Variants in EPN3 observed in about 807,000 individuals in gnomAD.
EPN3 encodes the protein epsin 3.
EPN3 carries 56 observed loss-of-function variants against 55.5 expected under a neutral mutation model. The observed-to-expected ratio is 1.01, with a 90% CI of 0.81 to 1.26. The LOEUF (loss-of-function observed/expected upper bound fraction) is 1.26. Among genes scored for constraint, EPN3 ranks in the 50% most tolerant of loss-of-function variants. The pLI is 0.00. For missense variants in EPN3, 927 were observed against 853.4 expected (o/e 1.09, Z -1.07); for synonymous variants, 449 against 375.2 (o/e 1.20, Z -2.27).
Position 50,532,906 on chromosome 17 carries a change from G to A in EPN3, c.-216G>A, listed in dbSNP as rs770397617. 1.5e-4 allele frequency: 199 copies of A among 1,285,204 alleles called. 2 individuals are homozygous for A. The South Asian group carries it at 2.3e-3, about 15-fold the overall frequency. The allele number at this position is 1,285,204 out of a possible 1,614,324, so 79.6% of individuals were successfully genotyped here. On this transcript the variant is annotated 5_prime_UTR_variant, in exon 1 of 10. Transcript: ENST00000268933. ...CTGGAGACGCTCCCGAGGCTGTGCC[G>A]TCCCGCTGCTGCACAGGTCGGAGGG...
In EPN3 at chr17:50,542,143, A is replaced by G; in HGVS notation, c.1885A>G (p.Asn629Asp). Residue 629 changes from asparagine (N) to aspartate (D), a missense_variant, in exon 10 of 10, where the codon AAC becomes GAC. Transcript: ENST00000268933. The stretch of plus-strand genomic sequence containing the variant: ...GCCCCCGCCCCCGCAGACCGGCACC[A>G]ACCCCTTCCTCTGAGCCCCGCCCCG... ...PRPPPPQTGT[N>D]PFL 6.6e-7 allele frequency: 1 copy of G among 1,507,398 alleles called. No homozygotes were observed. The highest frequency in any genetic ancestry group is 1.2e-5 in the South Asian group (1 of 80,962). 93.4% of individuals were successfully genotyped at this position (1,507,398 alleles called of 1,614,324 possible). A position where few individuals can be genotyped will look rare whatever the true frequency, so the allele number is the denominator to read the frequency against.
At position 50,536,412 on chromosome 17, in the gene EPN3, C is replaced by A; in HGVS notation, c.-136-9C>A. On this transcript the variant is annotated splice_polypyrimidine_tract_variant and intron_variant, in intron 1 of 9. Transcript: ENST00000268933. ...TCTGCCCCTGAGTTCCTGGCCCTCT[C>A]TTCCTCAGCCCCATGTGGAACCCAA... 6.7e-7 allele frequency: 1 copy of A among 1,484,450 alleles called. No homozygotes were observed. Among genetic ancestry groups the A allele is most frequent in the South Asian group, 1.4e-5 (1 of 73,396 alleles). The allele number at this position is 1,484,450 out of a possible 1,614,324, so 92.0% of individuals were successfully genotyped here.
Position 50,538,198 on chromosome 17 carries a change from G to A in EPN3, c.681+1G>A. 2 of 1,608,262 alleles carry A rather than the reference G, an allele frequency of 1.2e-6. No homozygotes were observed. Among genetic ancestry groups the A allele is most frequent in the Non-Finnish European group, 1.7e-6 (2 of 1,179,046 alleles). On this transcript the variant is annotated splice_donor_variant, in intron 3 of 9. Transcript: ENST00000268933. LOFTEE classifies it high-confidence loss of function. ...CATGAGCCGTGAGGAGGCAGAGAAG[G>A]TGAGGCCATGCAGCCCCACTGCGGT...
Position 50,539,186 on chromosome 17 carries a change from G to A in EPN3, c.763-1G>A, listed in dbSNP as rs954823527. On this transcript the variant is annotated splice_acceptor_variant, in intron 4 of 9. Transcript: ENST00000268933. LOFTEE classifies it high-confidence loss of function. The stretch of plus-strand genomic sequence containing the variant: ...CCTAACTCTTTCTGTGCCTTCTGCA[G>A]GAGGTGAGGTCCTGGCAGGGTGATG... 5 of 1,613,922 alleles carry A rather than the reference G, an allele frequency of 3.1e-6. No individual in the cohort carries two copies. In the East Asian group the frequency reaches 1.1e-4, roughly 36 times the overall value.
At position 50,538,086 on chromosome 17, in the gene EPN3, T is replaced by G; in HGVS notation, c.570T>G (p.Ser190=). ...ACATGATGGTCATTGCAGCCTCCTC[T>G]TCGTCACCCCGCTATACCTCCGACC... ...RGSPSSYNSS[S]SSPRYTSDLE... is the part of the protein sequence containing the mutation. The change falls in exon 3 of 10, where the codon TCT becomes TCG. Residue 190 remains serine (S), a synonymous_variant. Coordinates refer to ENST00000268933, the MANE Select transcript of EPN3 (RefSeq NM_017957.3). The G allele has an allele frequency of 6.2e-7, 1 of 1,613,824 alleles. No individual in the cohort carries two copies. The highest frequency in any genetic ancestry group is 8.5e-7 in the Non-Finnish European group (1 of 1,179,826).
Position 50,540,277 on chromosome 17 carries a change from G to C in EPN3, c.922G>C (p.Val308Leu), listed in dbSNP as rs145125112. ...SSILDLADIFVPALAPPSTHC... is the reference protein window; with the variant it reads ...SSILDLADIFLPALAPPSTHC... The stretch of plus-strand genomic sequence containing the variant: ...CATCCTGGACTTGGCTGACATCTTC[G>C]TACCTGCCCTGGCCCCGCCCTCCAC... The change falls in exon 6 of 10, where the codon GTA (valine) becomes CTA (leucine). Residue 308 changes from valine (V) to leucine (L), a missense_variant. Val to Leu is a conservative substitution (Grantham distance 32, BLOSUM62 1). Coordinates refer to ENST00000268933, the MANE Select transcript of EPN3 (RefSeq NM_017957.3). The C allele has an allele frequency of 5.6e-6, 9 of 1,612,504 alleles. No individual in the cohort carries two copies. The highest frequency in any genetic ancestry group is 5.3e-5 in the African/African-American group (4 of 74,966).
At chr17:50,538,014 C>CA (rs2057537682) in intron 2 of EPN3, 65 bp from the exon 3 acceptor site, 2 of 1,317,770 alleles carry the variant, frequency 1.5e-6, no homozygotes, top group Non-Finnish European at 1.1e-6. Context: ...AGCTTCCTGG[C>CA]AGGCAGAGGG....
rs370053082 is a variant in EPN3 at position 50,538,887 on chromosome 17, G to T, written c.685G>T (p.Val229Phe). The change falls in exon 4 of 10, where the codon GTC becomes TTC. Residue 229 changes from valine to phenylalanine, a missense_variant. Physicochemically the swap from Val to Phe is conservative, Grantham distance 50. Transcript: ENST00000268933. Reference protein sequence around the residue: ...AMSREEAEKPVPPASHRDEDL... With the variant: ...AMSREEAEKPFPPASHRDEDL... The stretch of plus-strand genomic sequence containing the variant: ...TTACCCCTCTCTTCCTCCGCAGCCT[G>T]TCCCCCCAGCCTCCCACAGGGACGA... 6.9e-6 allele frequency: 11 copies of T among 1,601,948 alleles called. No individual in the cohort carries two copies. The African/African-American group carries it at 1.5e-4, about 22-fold the overall frequency.
At chr17:50,536,178 C>T in intron 1 of EPN3, 1 of 254,792 alleles carries the variant, frequency 3.9e-6, no homozygotes, top group Non-Finnish European at 7.7e-6. Context: ...CTGAGCCCCA[C>T]CTTTCCCATC....
chr17:50,534,307 C>G, intron 1 of EPN3: 1 of 635,014 alleles, frequency 1.6e-6, no homozygotes, highest in Non-Finnish European at 2.0e-6. Context: ...AAGGTCCAGG[C>G]AGGGCCGCTG....
chr17:50,538,894 C>A lies in EPN3; in HGVS notation c.692C>A (p.Pro231Gln), dbSNP rs1373231025. 3 of 1,605,426 alleles carry A rather than the reference C, an allele frequency of 1.9e-6. No homozygotes were observed. Among genetic ancestry groups the A allele is most frequent in the East Asian group, 2.2e-5 (1 of 44,698 alleles). ...SREEAEKPVP[P>Q]ASHRDEDLQL... ...TCTCTTCCTCCGCAGCCTGTCCCCC[C>A]AGCCTCCCACAGGGACGAGGACCTG... Residue 231 changes from proline (P) to glutamine (Q), a missense_variant, in exon 4 of 10, where the codon CCA (proline) becomes CAA (glutamine). Physicochemically the swap from Pro to Gln is moderately conservative, Grantham distance 76. Coordinates refer to ENST00000268933, the MANE Select transcript of EPN3 (RefSeq NM_017957.3).
rs1438873429 is a variant in EPN3, at chr17:50,542,311, C to CG, written c.*156dup. 1.3e-6 allele frequency: 1 copy of CG among 746,336 alleles called. No individual in the cohort carries two copies. The highest frequency in any genetic ancestry group is 1.9e-6 in the Non-Finnish European group (1 of 516,784). 46.2% of individuals were successfully genotyped at this position (746,336 alleles called of 1,614,324 possible). On this transcript the variant is annotated 3_prime_UTR_variant, in exon 10 of 10. Transcript: ENST00000268933. ...GGCTCTGGAAGCTGGACGCGGACCA[C>CG]GGCCCGGGAGCTAGAAACTGAACGC...
intron 4 of EPN3, 73 bp downstream of exon 4, chr17:50,539,037 C>T: frequency 2.0e-6 from 3 of 1,535,020 alleles, no homozygotes; most frequent in Non-Finnish European, 2.6e-6. Context: ...GCACTAACAG[C>T]CTCCTCCCGC....
rs143433100 is a variant in EPN3, at chr17:50,535,164, A to G, written c.-136-1257A>G. 4.8e-3 allele frequency among the ~76,000 whole-genome samples: 736 copies of G among 152,302 alleles called. 7 individuals carry two copies. The highest frequency in any genetic ancestry group is 8.6e-3 in the Non-Finnish European group (583 of 68,016). ...CCTGCTGGGGTACCAGAGGTCCACT[A>G]TGTGTCCAGCGTTTTGGGGCTTTGG... On this transcript the variant is annotated intron_variant, in intron 1 of 9. Coordinates refer to ENST00000268933, the MANE Select transcript of EPN3 (RefSeq NM_017957.3).
At chr17:50,538,793 C>A in intron 3 of EPN3, 91 bp from the exon 4 acceptor site, 1 of 964,846 alleles carries the variant, frequency 1.0e-6, no homozygotes, top group Non-Finnish European at 1.5e-6. Context: ...GCATTAGTGT[C>A]TCCATCCCCA....
Position 50,536,719 on chromosome 17 carries a change from G to A in EPN3, c.163G>A (p.Glu55Lys), listed in dbSNP as rs960657866. The A allele has an allele frequency of 1.2e-5, 20 of 1,614,108 alleles. No individual in the cohort carries two copies. The highest frequency in any genetic ancestry group is 2.2e-5 in the South Asian group (2 of 91,082). ...DLTFNTVAFT[E>K]VMGMLWRRLN... ...GACCTTCAACACAGTGGCCTTCACC[G>A]AAGTCATGGGCATGCTGTGGCGGCG... Residue 55 changes from glutamate (E) to lysine (K), a missense_variant, in exon 2 of 10, where the codon GAA (glutamate) becomes AAA (lysine). Glu to Lys is a moderately conservative substitution (Grantham distance 56). Coordinates refer to ENST00000268933, the MANE Select transcript of EPN3 (RefSeq NM_017957.3).
Position 50,540,853 on chromosome 17 carries a change from C to T in EPN3, c.1040C>T (p.Ser347Phe). ...SSWGPSADPWSPIPSGTVLSR... is the reference protein window; with the variant it reads ...SSWGPSADPWFPIPSGTVLSR... ...TGGGGGCCTTCTGCAGACCCCTGGT[C>T]TCCGATCCCCTCAGGAACCGTCCTG... The change falls in exon 7 of 10, where the codon TCT (serine) becomes TTT (phenylalanine). Residue 347 changes from serine to phenylalanine, a missense_variant. Physicochemically the swap from Ser to Phe is radical, Grantham distance 155. Transcript: ENST00000268933. 1 of 1,614,130 alleles carries T rather than the reference C, an allele frequency of 6.2e-7. No individual in the cohort carries two copies. The highest frequency in any genetic ancestry group is 1.1e-5 in the South Asian group (1 of 91,070).
intron 6 of EPN3, 45 bp downstream of exon 6, chr17:50,540,379 C>G (rs561644637): frequency 6.5e-7 from 1 of 1,545,372 alleles, no homozygotes; most frequent in Admixed American, 1.8e-5. Flanking sequence ...GGCCCAAGAG[C>G]CTCCTCCTTC....
chr17:50,536,871 A>G lies in EPN3; in HGVS notation c.315A>G (p.Thr105=). The stretch of plus-strand genomic sequence containing the variant: ...GCGAGAACCTCTACACCATCCAGAC[A>G]CTCAAGGACTTCCAGTACATCGACC... ...QCRENLYTIQ[T]LKDFQYIDRD... Residue 105 remains threonine (T), a synonymous_variant, in exon 2 of 10, where the codon ACA becomes ACG. Transcript: ENST00000268933. The G allele has an allele frequency of 1.2e-6, 2 of 1,613,900 alleles. No homozygotes were observed. The highest frequency in any genetic ancestry group is 1.7e-6 in the Non-Finnish European group (2 of 1,179,984).
Sources: gnomAD v4.1 joint callset for allele counts (sites outside exome capture counted in the v4.1 genomes callset) on GRCh38, gnomAD v4.1.1 for gene constraint, MANE v1.5 for transcripts, NCBI Gene and HGNC (gene_info 2026-07-23, HGNC 2026-07-21) for gene names.